PDE4D: variants seen among roughly 807,000 people sequenced by gnomAD.
PDE4D encodes 3',5'-cyclic-AMP phosphodiesterase 4D.
A neutral mutation model predicts 87.4 loss-of-function variants in PDE4D; 24 were observed. The ratio of observed to expected loss-of-function variants is 0.27; its 90% CI spans 0.20 to 0.39. The LOEUF (loss-of-function observed/expected upper bound fraction) is 0.39, where lower values mean the gene tolerates loss of function less well. PDE4D is among the 10% of genes least tolerant of loss of function. The pLI, the probability that PDE4D is intolerant of heterozygous loss-of-function variation, is 1.00. For synonymous variants in PDE4D, 384 were observed against 383.2 expected, an observed-to-expected ratio of 1.00 and a Z score of -0.02; for missense variants, 714 against 1,041.0, an observed-to-expected ratio of 0.69 and a Z score of 4.32.
intron 1 of PDE4D, among the ~76,000 whole-genome samples, chr5:59,825,283 G>C (rs900640062): frequency 1.3e-5 from 2 of 152,168 alleles, no homozygotes; most frequent in East Asian, 3.9e-4. Context: ...TAAAGGGTTA[G>C]CATCAGGTCT....
intron 5 of PDE4D, among the ~76,000 whole-genome samples, chr5:59,079,532 A>T (rs936628203): frequency 2.0e-5 from 3 of 152,066 alleles, no homozygotes; most frequent in Non-Finnish European, 4.4e-5. Context: ...TCCTATAAAG[A>T]GATAGCACTA....
intron 1 of PDE4D, among the ~76,000 whole-genome samples, chr5:59,659,195 T>A (rs1201382829): frequency 6.6e-6 from 1 of 152,192 alleles, no homozygotes; most frequent in Non-Finnish European, 1.5e-5. Context: ...AGAATTTGCT[T>A]AGAATGAATC....
chr5:59,991,830 T>C (rs1331772974), intron 2 of PDE4D, among the ~76,000 whole-genome samples: 2 of 152,354 alleles, frequency 1.3e-5, no homozygotes, highest in East Asian at 3.9e-4. Context: ...ATTAAGTTAA[T>C]GACTTATGTG....
chr5:59,469,790 A>C (rs910783895), intron 1 of PDE4D, among the ~76,000 whole-genome samples: 2 of 152,160 alleles, frequency 1.3e-5, no homozygotes, highest in Non-Finnish European at 2.9e-5. Flanking sequence ...AGGAGAGAAC[A>C]TCCACGTGCT....
intron 1 of PDE4D, among the ~76,000 whole-genome samples, chr5:60,250,372 A>T (rs922604267): frequency 6.6e-6 from 1 of 151,908 alleles, no homozygotes; most frequent in Non-Finnish European, 1.5e-5. Flanking sequence ...CTAAGCTGGT[A>T]ATAGTCGGGG....
chr5:60,449,425 T>A (rs1392527875), intron 1 of PDE4D, among the ~76,000 whole-genome samples: 1 of 139,116 alleles, frequency 7.2e-6, no homozygotes, highest in African/African-American at 2.7e-5. Context: ...TTCTCACTCA[T>A]AGGTGGGAAT....
At chr5:59,415,883 A>C (rs1793520754) in intron 1 of PDE4D, among the ~76,000 whole-genome samples, 1 of 152,186 alleles carries the variant, frequency 6.6e-6, no homozygotes, top group Non-Finnish European at 1.5e-5. Context: ...AAAATTACGA[A>C]GTGTCTCATA....
At chr5:60,337,091 C>T (rs1329171196) in intron 1 of PDE4D, among the ~76,000 whole-genome samples, 1 of 148,734 alleles carries the variant, frequency 6.7e-6, no homozygotes, top group Non-Finnish European at 1.5e-5. Context: ...ATGCCAAGGC[C>T]GGTGGATCAC....
intron 2 of PDE4D, among the ~76,000 whole-genome samples, chr5:60,049,169 G>C (rs536669017): frequency 6.6e-6 from 1 of 152,178 alleles, no homozygotes; most frequent in East Asian, 1.9e-4. Context: ...AGCTCCTGAG[G>C]CTTCTGCATT....
intron 1 of PDE4D, among the ~76,000 whole-genome samples, chr5:60,417,352 T>G (rs1742696684): frequency 6.6e-6 from 1 of 152,194 alleles, no homozygotes. Flanking sequence ...TCACAACCAT[T>G]GCACTCCTGG....
intron 1 of PDE4D, among the ~76,000 whole-genome samples, chr5:59,276,829 G>A (rs1764919924): frequency 6.6e-6 from 1 of 151,832 alleles, no homozygotes; most frequent in African/African-American, 2.4e-5. Context: ...TATTTCGAAG[G>A]CCAAAACCTT....
At chr5:59,492,337 A>C (rs1806373717) in intron 1 of PDE4D, among the ~76,000 whole-genome samples, 1 of 152,198 alleles carries the variant, frequency 6.6e-6, no homozygotes, top group South Asian at 2.1e-4. Flanking sequence ...ATCCAGAAAT[A>C]ATATAAGAAA....
At chr5:60,036,964 A>T (rs1767878353) in intron 2 of PDE4D, among the ~76,000 whole-genome samples, 1 of 152,228 alleles carries the variant, frequency 6.6e-6, no homozygotes, top group African/African-American at 2.4e-5. Flanking sequence ...TGTTCTATTT[A>T]AAAACATTTT....
intron 1 of PDE4D, among the ~76,000 whole-genome samples, chr5:60,463,830 C>T (rs26951): frequency 0.11 from 16,876 of 152,192 alleles, 1,339 homozygotes; most frequent in East Asian, 0.37. Flanking sequence ...AATTCAAACA[C>T]GTCCTGAAAT....
At chr5:59,981,874 T>C (rs996546626) in intron 3 of PDE4D, among the ~76,000 whole-genome samples, 5 of 152,210 alleles carry the variant, frequency 3.3e-5, no homozygotes, top group African/African-American at 1.2e-4. Flanking sequence ...TGTTTGGATT[T>C]TGATTCAGGA....
intron 1 of PDE4D, among the ~76,000 whole-genome samples, chr5:59,324,329 A>G (rs767018654): frequency 2.0e-4 from 30 of 152,084 alleles, no homozygotes; most frequent in Non-Finnish European, 3.7e-4. Context: ...CCCCAGTGAA[A>G]TTCAAATATC....
In PDE4D at chr5:59,926,064, AT is replaced by A. The variant is rs541019998; in HGVS notation, c.272+62423del. Among the ~76,000 whole-genome samples, 6 of 152,212 alleles carry A rather than the reference AT, an allele frequency of 3.9e-5. No individual in the cohort carries two copies. In the East Asian group the frequency reaches 9.7e-4, roughly 24 times the overall value. ...TTTCATCAATGGCTGCAGAATACATATTTTTTTCCTCAGCACATGAATCAGT... is the reference window on the plus strand; with the variant it reads ...TTTCATCAATGGCTGCAGAATACATATTTTTTCCTCAGCACATGAATCAGT... On this transcript the variant is annotated intron_variant, in intron 3 of 16. Transcript: ENST00000502484.
chr5:60,048,665 CT>C (rs1163824712), intron 2 of PDE4D, among the ~76,000 whole-genome samples: 3 of 151,862 alleles, frequency 2.0e-5, no homozygotes, highest in African/African-American at 7.3e-5. Flanking sequence ...GTTGAAAATT[CT>C]TTTCTTTAAG....
At chr5:59,338,391 G>A (rs529117823) in intron 1 of PDE4D, among the ~76,000 whole-genome samples, 18 of 152,066 alleles carry the variant, frequency 1.2e-4, no homozygotes, top group African/African-American at 4.1e-4. Flanking sequence ...TGGCTTTCTT[G>A]GTGAAAATAG....
Sources: allele counts gnomAD v4.1 joint callset (sites outside exome capture counted in the v4.1 genomes callset), GRCh38; gene constraint gnomAD v4.1.1; transcripts MANE v1.5; gene names NCBI Gene and HGNC (gene_info 2026-07-23, HGNC 2026-07-21).